MEX3D: variants seen among roughly 807,000 people sequenced by gnomAD.
MEX3D encodes RNA-binding protein MEX3D.
A neutral mutation model predicts 6.3 loss-of-function variants in MEX3D; 4 were observed. That is an observed-to-expected ratio of 0.64 (90% CI 0.31 to 1.46). The LOEUF is 1.46. Among genes scored for constraint, MEX3D ranks in the 40% most tolerant of loss-of-function variants. The probability of loss-of-function intolerance (pLI) is 0.07; values close to 1 mark genes in which losing one functional copy is unlikely to be tolerated. For missense variants in MEX3D, 1,038 were observed against 994.4 expected, an observed-to-expected ratio of 1.04 and a Z score of -0.59; for synonymous variants, 626 against 494.1, an observed-to-expected ratio of 1.27 and a Z score of -3.54.
In MEX3D at chr19:1,555,260, T is replaced by C. The variant is rs999412425; in HGVS notation, c.*303A>G. 1.7e-5 allele frequency: 24 copies of C among 1,443,150 alleles called. No individual in the cohort carries two copies. The African/African-American group carries it at 2.3e-4, about 14-fold the overall frequency. The allele number at this position is 1,443,150 out of a possible 1,614,324, so 89.4% of individuals were successfully genotyped here. ...TAAAGATCACCCTGGAGGGGAGGGGTGTCTAAAAATAAGAAAACTAAAAAA... is the reference window on the plus strand; with the variant it reads ...TAAAGATCACCCTGGAGGGGAGGGGCGTCTAAAAATAAGAAAACTAAAAAA... On this transcript the variant is annotated 3_prime_UTR_variant, in exon 2 of 2. Transcript: ENST00000402693.
chr19:1,563,482 C>T (rs1914768895), intron 1 of MEX3D, among the ~76,000 whole-genome samples: 1 of 152,200 alleles, frequency 6.6e-6, no homozygotes, highest in South Asian at 2.1e-4. Flanking sequence ...ACACTGAAGA[C>T]CCAACCATGA....
rs1914912481 is a variant in MEX3D, at chr19:1,568,310, C to CGG, written c.-253_-252insCC. On this transcript the variant is annotated 5_prime_UTR_variant, in exon 1 of 2. Coordinates refer to ENST00000402693, the MANE Select transcript of MEX3D (RefSeq NM_203304.4). ...GACGGCGGCGGCGGCTCCTCGGCGG[C>CGG]CGAGGCGGCGGCGGCGGCGCGGGAC... Among the ~76,000 whole-genome samples, 2 of 141,568 alleles carry CGG rather than the reference C, an allele frequency of 1.4e-5. No individual in the cohort carries two copies. Among genetic ancestry groups the CGG allele is most frequent in the Non-Finnish European group, 3.1e-5 (2 of 64,092 alleles). The allele number at this position is 141,568 out of a possible 152,430, so 92.9% of individuals were successfully genotyped here.
At position 1,567,718 on chromosome 19, in the gene MEX3D, G is replaced by A. The variant is rs1335760098; in HGVS notation, c.341C>T (p.Thr114Ile). 12 of 1,018,358 alleles carry A rather than the reference G, an allele frequency of 1.2e-5. No individual in the cohort carries two copies. Among genetic ancestry groups the A allele is most frequent in the African/African-American group, 8.7e-5 (5 of 57,722 alleles). The allele number at this position is 1,018,358 out of a possible 1,614,324, so 63.1% of individuals were successfully genotyped here. A position where few individuals can be genotyped will look rare whatever the true frequency, so the allele number is the denominator to read the frequency against. Residue 114 changes from threonine to isoleucine, a missense_variant, in exon 1 of 2, where the codon ACC becomes ATC. Physicochemically the swap from Thr to Ile is moderately conservative, Grantham distance 89. Transcript: ENST00000402693. The surrounding 1 kb of genome is among the most constrained non-coding windows in gnomAD (Gnocchi z 6.5). ...CCCGGGGGCCACGGCGGGGGCCAGG[G>A]TCGGGGGCGCGCCGGCCTCAGGTCC... ...PDGPEAGAPP[T>I]LAPAVAPGSL...
At chr19:1,560,991 G>A (rs541663964) in intron 1 of MEX3D, among the ~76,000 whole-genome samples, 283 of 152,324 alleles carry the variant, frequency 1.9e-3, no homozygotes, top group Non-Finnish European at 1.6e-3. Context: ...AGGTTGGCAG[G>A]CACTGAAATG....
At position 1,555,583 on chromosome 19, in the gene MEX3D, C is replaced by A; in HGVS notation, c.1936G>T (p.Ala646Ser). 6.3e-7 allele frequency: 1 copy of A among 1,587,712 alleles called. No homozygotes were observed. The highest frequency in any genetic ancestry group is 8.6e-7 in the Non-Finnish European group (1 of 1,169,174). Residue 646 changes from alanine to serine, a missense_variant, in exon 2 of 2, where the codon GCC becomes TCC. Physicochemically the swap from Ala to Ser is moderately conservative, Grantham distance 99 (BLOSUM62 1). Coordinates refer to ENST00000402693, the MANE Select transcript of MEX3D (RefSeq NM_203304.4). ...GCGCTCTAGGAAAAGATATGAATGG[C>A]CTGGGTGGCCGGCGTGCGGCAGGCG... is the stretch of plus-strand genomic sequence containing the variant. ...CPACRTPATQAIHIFS is the reference protein window; with the variant it reads ...CPACRTPATQSIHIFS
chr19:1,564,344 C>T (rs1003385415), intron 1 of MEX3D, among the ~76,000 whole-genome samples: 1 of 151,832 alleles, frequency 6.6e-6, no homozygotes, highest in Non-Finnish European at 1.5e-5. Context: ...ACCAGCCTGG[C>T]CAACATGGCG....
chr19:1,555,513 G>C lies in MEX3D; in HGVS notation c.*50C>G, dbSNP rs543019217. ...CCCCGGGTCCCGCCCCGTCTCCCGC[G>C]CCCACCCCTGGCCCCCGCAGATGGC... On this transcript the variant is annotated 3_prime_UTR_variant, in exon 2 of 2. Transcript: ENST00000402693. The C allele has an allele frequency of 8.7e-6, 12 of 1,376,254 alleles. No individual in the cohort carries two copies. In the South Asian group the frequency reaches 8.8e-5, roughly 10 times the overall value. The allele number at this position is 1,376,254 out of a possible 1,614,324, so 85.3% of individuals were successfully genotyped here. A position where few individuals can be genotyped will look rare whatever the true frequency, so the allele number is the denominator to read the frequency against.
At chr19:1,561,852 G>T (rs897020595) in intron 1 of MEX3D, among the ~76,000 whole-genome samples, 1 of 151,898 alleles carries the variant, frequency 6.6e-6, no homozygotes, top group East Asian at 2.0e-4. Flanking sequence ...TTATTATGTT[G>T]CCCAGGCTGG....
Position 1,568,000 on chromosome 19 carries a change from C to A in MEX3D, c.59G>T (p.Gly20Val), listed in dbSNP as rs1326104850. The A allele has an allele frequency of 8.2e-6, 8 of 975,094 alleles. No individual in the cohort carries two copies. In the Admixed American group the frequency reaches 3.9e-4, roughly 47 times the overall value. The allele number at this position is 975,094 out of a possible 1,614,324, so 60.4% of individuals were successfully genotyped here. The change falls in exon 1 of 2, where the codon GGC becomes GTC. Residue 20 changes from glycine (G) to valine (V), a missense_variant. By Grantham distance (109) the Gly-to-Val change is moderately radical. Around this residue, in one of 5 missense-constraint regions of MEX3D, gnomAD observed 265 missense variants for 206.3 expected, o/e 1.28. Transcript: ENST00000402693. The surrounding 1 kb of genome is among the most constrained non-coding windows in gnomAD (Gnocchi z 6.5). ...GGGGGGGGGG[G>V]VGAAGEDPGP... is the part of the protein sequence containing the mutation. Reference sequence around the variant, plus strand: ...GGGGTCCTCCCCCGCCGCCCCCACGCCGCCGCCGCCGCCGCCCCCGCCCCC... The same window carrying A: ...GGGGTCCTCCCCCGCCGCCCCCACGACGCCGCCGCCGCCGCCCCCGCCCCC...
chr19:1,560,009 G>C (rs1480593068), intron 1 of MEX3D, among the ~76,000 whole-genome samples: 1 of 152,210 alleles, frequency 6.6e-6, no homozygotes, highest in Admixed American at 6.5e-5. Context: ...ACTGCATCGG[G>C]TTGGGCCTGC....
chr19:1,559,807 C>T (rs996012235), intron 1 of MEX3D, among the ~76,000 whole-genome samples: 3 of 152,064 alleles, frequency 2.0e-5, no homozygotes, highest in Non-Finnish European at 4.4e-5. Context: ...CCCAGGGGCT[C>T]GGTAGGGAGG....
rs939208930 is a variant in MEX3D, at chr19:1,568,089, TGCCGCCCGCGCCGCCGCC to T, written c.-49_-32del. ...GAGCTAGCGCTGGGGCCCGCGCTCC[TGCCGCCCGCGCCGCCGCC>T]GCCGCCCGCGCCGCCCTCCGCCTCT... is the stretch of plus-strand genomic sequence containing the variant. On this transcript the variant is annotated 5_prime_UTR_variant, in exon 1 of 2. Transcript: ENST00000402693. 7.6e-5 allele frequency: 74 copies of T among 972,410 alleles called. No homozygotes were observed. Among genetic ancestry groups the T allele is most frequent in the Admixed American group, 1.3e-4 (2 of 15,064 alleles). 60.2% of individuals were successfully genotyped at this position (972,410 alleles called of 1,614,324 possible).
At chr19:1,565,498 C>T (rs940632154) in intron 1 of MEX3D, among the ~76,000 whole-genome samples, 1 of 152,152 alleles carries the variant, frequency 6.6e-6, no homozygotes, top group Non-Finnish European at 1.5e-5. Flanking sequence ...GCCCAGATCA[C>T]GTCACTGCAC....
rs559807634 is a variant in MEX3D at position 1,565,360 on chromosome 19, G to A, written c.595+2104C>T. 2.0e-5 allele frequency among the ~76,000 whole-genome samples: 3 copies of A among 152,264 alleles called. No homozygotes were observed. The East Asian group carries it at 5.8e-4, about 29-fold the overall frequency. ...AGTTCGAGACCAGCCTGGACAACAT[G>A]GTGAAACCCCGTCTCTACTAAAAAT... On this transcript the variant is annotated intron_variant, in intron 1 of 1. Coordinates refer to ENST00000402693, the MANE Select transcript of MEX3D (RefSeq NM_203304.4).
rs1914552045 is a variant in MEX3D, at chr19:1,556,267, G to A, written c.1252C>T (p.Pro418Ser). The A allele has an allele frequency of 1.5e-6, 2 of 1,304,090 alleles. No individual in the cohort carries two copies. Among genetic ancestry groups the A allele is most frequent in the Non-Finnish European group, 1.9e-6 (2 of 1,030,404 alleles). 80.8% of individuals were successfully genotyped at this position (1,304,090 alleles called of 1,614,324 possible). Residue 418 changes from proline (P) to serine (S), a missense_variant, in exon 2 of 2, where the codon CCA becomes TCA. Pro to Ser is a moderately conservative substitution (Grantham distance 74, BLOSUM62 -1). Transcript: ENST00000402693. This position sits in a 1 kb window ranked among gnomAD's most constrained non-coding sequence, Gnocchi z 7.5. The stretch of plus-strand genomic sequence containing the variant: ...CCGCTGTAGGGGCTGGCGGGGCCTG[G>A]GTCCGGCACGGAGGGGCCGCCGCGG... The part of the protein sequence containing the change: ...GSRGGPSVPD[P>S]GPASPYSGSG...
chr19:1,566,784 G>A (rs1914852523), intron 1 of MEX3D, among the ~76,000 whole-genome samples: 1 of 152,104 alleles, frequency 6.6e-6, no homozygotes, highest in Non-Finnish European at 1.5e-5. Flanking sequence ...GGGGCGGCCA[G>A]AGGGAAGCTC....
In MEX3D at chr19:1,565,435, A is replaced by G. The variant is rs1914815142; in HGVS notation, c.595+2029T>C. Among the ~76,000 whole-genome samples the G allele has an allele frequency of 2.0e-5, 3 of 152,150 alleles. No individual in the cohort carries two copies. In the South Asian group the frequency reaches 6.2e-4, roughly 31 times the overall value. ...CTCACACTTGTAATCCCAGCTACTC[A>G]GGAGGCTGAGGCAGGAGAACTGCTT... On this transcript the variant is annotated intron_variant, in intron 1 of 1. Coordinates refer to ENST00000402693, the MANE Select transcript of MEX3D (RefSeq NM_203304.4).
chr19:1,555,458 G>T lies in MEX3D; in HGVS notation c.*105C>A. ...CCACCCCCCTGCCCCCTCGGCCTCC[G>T]CCCCTCGCCCCCTCCCCGTCCCTCT... On this transcript the variant is annotated 3_prime_UTR_variant, in exon 2 of 2. Coordinates refer to ENST00000402693, the MANE Select transcript of MEX3D (RefSeq NM_203304.4). The T allele has an allele frequency of 1.5e-6, 1 of 682,556 alleles. No homozygotes were observed. The allele number at this position is 682,556 out of a possible 1,614,324, so 42.3% of individuals were successfully genotyped here.
rs371883053 is a variant in MEX3D at position 1,560,419 on chromosome 19, C to T, written c.596-3496G>A. Among the ~76,000 whole-genome samples the T allele has an allele frequency of 4.6e-5, 7 of 152,374 alleles. No homozygotes were observed. The East Asian group carries it at 1.2e-3, about 25-fold the overall frequency. On this transcript the variant is annotated intron_variant, in intron 1 of 1. Transcript: ENST00000402693. ...CCCATCACGCCGACCCGGCAGAGGG[C>T]AGAGCCCGCCAGCGTTGCCAGGGTG...
Sources: allele counts gnomAD v4.1 joint callset (sites outside exome capture counted in the v4.1 genomes callset), GRCh38; gene constraint gnomAD v4.1.1; regional missense constraint gnomAD v4.1.1; non-coding constraint Gnocchi (gnomAD v3.1); transcripts MANE v1.5; gene names NCBI Gene and HGNC (gene_info 2026-07-23, HGNC 2026-07-21).